The following NUP133 variants were observed in gnomAD, a reference collection of about 807,000 sequenced individuals.
NUP133 encodes nucleoporin 133.
A neutral mutation model predicts 146.2 loss-of-function variants in NUP133; 66 were observed. The observed-to-expected ratio is 0.45, with a 90% CI of 0.37 to 0.55. NUP133 has a LOEUF of 0.55. Among genes scored for constraint, NUP133 ranks in the 20% least tolerant of loss-of-function variants. NUP133 has a pLI of 0.00. For synonymous variants in NUP133, 521 were observed against 498.8 expected, an observed-to-expected ratio of 1.04 and a Z score of -0.59; for missense variants, 1,277 against 1,374.8, an observed-to-expected ratio of 0.93 and a Z score of 1.12.
chr1:229,491,415 T>C (rs534339649), intron 8 of NUP133, among the ~76,000 whole-genome samples: 23 of 152,250 alleles, frequency 1.5e-4, no homozygotes, highest in African/African-American at 5.1e-4. Flanking sequence ...GAAGCTGAGA[T>C]AGGAGGATCA....
chr1:229,508,109 C>T lies in NUP133; in HGVS notation c.141G>A (p.Val47=). The stretch of plus-strand genomic sequence containing the variant: ...TACGCCGGCCGACCGGCGAGAAGAG[C>T]ACTGGGGAGCTGACTGCAGACCCCA... ...LPLGSAVSSP[V]LFSPVGRRSS... Residue 47 remains valine, a synonymous_variant, in exon 1 of 26, where the codon GTG becomes GTA. Transcript: ENST00000261396. The T allele has an allele frequency of 6.4e-7, 1 of 1,554,540 alleles. No individual in the cohort carries two copies. The highest frequency in any genetic ancestry group is 1.2e-5 in the South Asian group (1 of 85,420).
rs931015082 is a variant in NUP133, at chr1:229,500,860, A to G, written c.409T>C (p.Ser137Pro). 9 of 1,607,456 alleles carry G rather than the reference A, an allele frequency of 5.6e-6. No individual in the cohort carries two copies. The highest frequency in any genetic ancestry group is 2.2e-5 in the East Asian group (1 of 44,808). Residue 137 changes from serine to proline, a missense_variant, in exon 4 of 26, where the codon TCC (serine) becomes CCC (proline). Physicochemically the swap from Ser to Pro is moderately conservative, Grantham distance 74. Around this residue, in one of 3 missense-constraint regions of NUP133, gnomAD observed 319 missense variants for 306.9 expected, o/e 1.04. Coordinates refer to ENST00000261396, the MANE Select transcript of NUP133 (RefSeq NM_018230.3). ...KIALSPITKL[S>P]VCKELQLPPS... The stretch of plus-strand genomic sequence containing the variant: ...GGCAGCTGAAGTTCTTTGCAAACGG[A>G]TAACTGTAGAACAAACCCAAACAGA...
intron 8 of NUP133, among the ~76,000 whole-genome samples, chr1:229,493,473 C>A (rs946931595): frequency 6.6e-6 from 1 of 152,182 alleles, no homozygotes; most frequent in Admixed American, 6.5e-5. Flanking sequence ...AGCCACCCAG[C>A]CCAGCTACTC....
At chr1:229,470,543 A>G in intron 15 of NUP133, 37 bp downstream of exon 15, 3 of 1,520,870 alleles carry the variant, frequency 2.0e-6, no homozygotes, top group Non-Finnish European at 2.7e-6. Context: ...TAAATGGCAC[A>G]GTTCTACAAA....
intron 19 of NUP133, among the ~76,000 whole-genome samples, chr1:229,461,759 A>G (rs1392523673): frequency 2.0e-5 from 3 of 152,240 alleles, no homozygotes; most frequent in Non-Finnish European, 4.4e-5. Flanking sequence ...TAAATATAAG[A>G]AAAAATGCAA....
Position 229,496,025 on chromosome 1 carries a change from C to T in NUP133, c.842G>A (p.Arg281Lys). 1.3e-6 allele frequency: 2 copies of T among 1,595,134 alleles called. No homozygotes were observed. Among genetic ancestry groups the T allele is most frequent in the Non-Finnish European group, 8.5e-7 (1 of 1,174,346 alleles). The part of the protein sequence containing the change: ...DLTLSSVLWD[R>K]ERSSFYSLTS... The stretch of plus-strand genomic sequence containing the variant: ...CAGGCTATAAAAGCTTGATCTCTCT[C>T]TATCCCAGAGAACACTTGAAAGCTA... Residue 281 changes from arginine to lysine, a missense_variant, in exon 7 of 26, where the codon AGA becomes AAA. By Grantham distance (26) the Arg-to-Lys change is conservative. Transcript: ENST00000261396.
chr1:229,478,321 A>T (rs1013626050), intron 12 of NUP133, among the ~76,000 whole-genome samples: 1 of 152,134 alleles, frequency 6.6e-6, no homozygotes, highest in Non-Finnish European at 1.5e-5. Flanking sequence ...TCGGCTCTGG[A>T]CACAGAAAGA....
At chr1:229,453,377 C>T (rs1660498474) in intron 21 of NUP133, among the ~76,000 whole-genome samples, 1 of 152,186 alleles carries the variant, frequency 6.6e-6, no homozygotes, top group African/African-American at 2.4e-5. Context: ...AATGTCACGA[C>T]TTTCCTAGGC....
intron 9 of NUP133, among the ~76,000 whole-genome samples, chr1:229,487,958 C>T (rs926838219): frequency 6.6e-6 from 1 of 151,326 alleles, no homozygotes; most frequent in Admixed American, 6.6e-5. Context: ...ATTCTCCTGC[C>T]TCAGCCTCCT....
chr1:229,444,855 A>C (rs560748680), intron 25 of NUP133, 59 bp downstream of exon 25: 36 of 1,231,936 alleles, frequency 2.9e-5, no homozygotes, highest in South Asian at 1.9e-4. Flanking sequence ...TCAAAAAAAA[A>C]CCCAAAAAAC....
chr1:229,493,987 C>T (rs1320569287), intron 8 of NUP133, among the ~76,000 whole-genome samples: 1 of 151,936 alleles, frequency 6.6e-6, no homozygotes, highest in Admixed American at 6.6e-5. Context: ...AAAAACTAGC[C>T]GGGAGTGGTG....
chr1:229,450,532 A>G lies in NUP133; in HGVS notation c.3173T>C (p.Ile1058Thr), dbSNP rs1660424007. 1 of 1,568,708 alleles carries G rather than the reference A, an allele frequency of 6.4e-7. No individual in the cohort carries two copies. The highest frequency in any genetic ancestry group is 8.7e-7 in the Non-Finnish European group (1 of 1,146,234). ...TCAAGCAATTTTACTTACCTCATCA[A>G]TATATTCCAACAAGTCCAAAGCTTT... ...FKKALDLLEY[I>T]DEEEDININD... The change falls in exon 23 of 26, where the codon ATT becomes ACT. Residue 1058 changes from isoleucine (I) to threonine (T), a missense_variant. Around this residue, in one of 3 missense-constraint regions of NUP133, gnomAD observed 952 missense variants for 1,047.0 expected, o/e 0.91. Transcript: ENST00000261396.
At chr1:229,480,755 C>T (rs1212226792) in intron 12 of NUP133, among the ~76,000 whole-genome samples, 1 of 152,028 alleles carries the variant, frequency 6.6e-6, no homozygotes, top group African/African-American at 2.4e-5. Context: ...GACGGGATCT[C>T]GGCTCACTAC....
At chr1:229,449,880 T>TTA (rs1660406989) in intron 23 of NUP133, among the ~76,000 whole-genome samples, 1 of 116,260 alleles carries the variant, frequency 8.6e-6, no homozygotes, top group Admixed American at 8.6e-5. Flanking sequence ...TATATTTTTT[T>TTA]TTTTTTTTTT....
At chr1:229,506,694 A>C (rs1319844540) in intron 1 of NUP133, among the ~76,000 whole-genome samples, 1 of 151,738 alleles carries the variant, frequency 6.6e-6, no homozygotes, top group Admixed American at 6.6e-5. Context: ...ACTGCTTGAG[A>C]CCAGGAGTTC....
At chr1:229,467,810 G>A (rs1284547023) in intron 15 of NUP133, among the ~76,000 whole-genome samples, 4 of 151,372 alleles carry the variant, frequency 2.6e-5, no homozygotes, top group South Asian at 4.2e-4. Flanking sequence ...CTGGAGTCCC[G>A]GCTACTTGGG....
intron 1 of NUP133, among the ~76,000 whole-genome samples, chr1:229,506,449 G>GTTTTT (rs35852954): frequency 9.3e-6 from 1 of 107,440 alleles, no homozygotes. Flanking sequence ...CTAGACCAGT[G>GTTTTT]TTTTTTTTTT....
chr1:229,508,095 AC>A lies in NUP133; in HGVS notation c.154del (p.Val52SerfsTer7). The A allele has an allele frequency of 6.6e-7, 1 of 1,506,740 alleles. No individual in the cohort carries two copies. Among genetic ancestry groups the A allele is most frequent in the Non-Finnish European group, 8.9e-7 (1 of 1,125,920 alleles). The allele number at this position is 1,506,740 out of a possible 1,614,324, so 93.3% of individuals were successfully genotyped here. On this transcript the variant is annotated frameshift_variant, in exon 1 of 26. Coordinates refer to ENST00000261396, the MANE Select transcript of NUP133 (RefSeq NM_018230.3). LOFTEE classifies it high-confidence loss of function. Reference sequence around the variant, plus strand: ...CGAGCTTAGCGAGCTACGCCGGCCGACCGGCGAGAAGAGCACTGGGGAGCTG... The same window carrying A: ...CGAGCTTAGCGAGCTACGCCGGCCGACGGCGAGAAGAGCACTGGGGAGCTG... ...AVSSPVLFSP[V>X]GRRSSLSSRG... is the part of the protein sequence containing the mutation.
At chr1:229,457,524 A>G (rs931871857) in intron 21 of NUP133, among the ~76,000 whole-genome samples, 2 of 152,178 alleles carry the variant, frequency 1.3e-5, no homozygotes, top group Non-Finnish European at 2.9e-5. Flanking sequence ...AGATTATAAT[A>G]CCTCATACAA....
Sources: gnomAD v4.1 joint callset for allele counts (sites outside exome capture counted in the v4.1 genomes callset) on GRCh38, gnomAD v4.1.1 for gene constraint, gnomAD v4.1.1 regional missense constraint, MANE v1.5 for transcripts, NCBI Gene and HGNC (gene_info 2026-07-23, HGNC 2026-07-21) for gene names.